EFHD1: variants seen among roughly 807,000 people sequenced by gnomAD.
EFHD1 encodes EF-hand domain-containing protein D1.
A neutral mutation model predicts 17.2 loss-of-function variants in EFHD1; 10 were observed. The observed-to-expected ratio is 0.58, with a 90% CI of 0.36 to 0.99. The LOEUF (loss-of-function observed/expected upper bound fraction) is 0.99. EFHD1 is among the 50% of genes least tolerant of loss of function. EFHD1 has a pLI of 0.01. For synonymous variants in EFHD1, 153 were observed against 142.0 expected (o/e 1.08, Z -0.55); for missense variants, 310 against 327.5 (o/e 0.95, Z 0.41).
chr2:232,618,414 G>A (rs915885339), intron 1 of EFHD1, among the ~76,000 whole-genome samples: 8 of 152,064 alleles, frequency 5.3e-5, no homozygotes, highest in Non-Finnish European at 8.8e-5. Flanking sequence ...CGTGCTCAAC[G>A]TTATTAGTCA....
intron 1 of EFHD1, among the ~76,000 whole-genome samples, chr2:232,635,282 T>C (rs1419307848): frequency 6.6e-6 from 1 of 152,248 alleles, no homozygotes; most frequent in Non-Finnish European, 1.5e-5. Context: ...CTGGCCGGGC[T>C]GCTCCCAGAC....
At chr2:232,642,951 T>G (rs956173233) in intron 1 of EFHD1, among the ~76,000 whole-genome samples, 3 of 152,144 alleles carry the variant, frequency 2.0e-5, no homozygotes, top group African/African-American at 7.2e-5. Context: ...AATAAAGAAA[T>G]GGATCATCTC....
intron 1 of EFHD1, among the ~76,000 whole-genome samples, chr2:232,658,200 G>A (rs1244193329): frequency 6.6e-6 from 1 of 151,896 alleles, no homozygotes. Context: ...ACTGCACCCA[G>A]CCAGGACCTT....
intron 1 of EFHD1, among the ~76,000 whole-genome samples, chr2:232,644,291 C>T (rs937608808): frequency 6.6e-6 from 1 of 152,104 alleles, no homozygotes; most frequent in African/African-American, 2.4e-5. Flanking sequence ...TATTCTTTTT[C>T]TCATCGGGGG....
intron 1 of EFHD1, among the ~76,000 whole-genome samples, chr2:232,618,691 C>A (rs1299486068): frequency 6.8e-6 from 1 of 146,928 alleles, no homozygotes; most frequent in Non-Finnish European, 1.5e-5. Context: ...CCACTGCACT[C>A]CAGCCTGGGT....
At position 232,633,663 on chromosome 2, in the gene EFHD1, C is replaced by A; in HGVS notation, c.-42C>A. 1 of 1,390,078 alleles carries A rather than the reference C, an allele frequency of 7.2e-7. No homozygotes were observed. The highest frequency in any genetic ancestry group is 1.6e-5 in the South Asian group (1 of 61,422). The allele number at this position is 1,390,078 out of a possible 1,614,324, so 86.1% of individuals were successfully genotyped here. On this transcript the variant is annotated 5_prime_UTR_variant, in exon 1 of 4. Transcript: ENST00000264059. ...CGCCGCCCGCCAGCTCCCTGCGTCC[C>A]GTCCCGCGTCCCCGCGTTCCCGCGT... is the stretch of plus-strand genomic sequence containing the variant.
intron 1 of EFHD1, among the ~76,000 whole-genome samples, chr2:232,662,241 A>G (rs1694883889): frequency 6.6e-6 from 1 of 152,116 alleles, no homozygotes; most frequent in South Asian, 2.1e-4. Context: ...TCAGAGCTGG[A>G]GACAAGACGA....
intron 1 of EFHD1, among the ~76,000 whole-genome samples, chr2:232,659,955 G>A (rs1694827003): frequency 6.6e-6 from 1 of 152,050 alleles, no homozygotes; most frequent in African/African-American, 2.4e-5. Flanking sequence ...ACCAGGTCTT[G>A]CAAGAACTCA....
intron 1 of EFHD1, among the ~76,000 whole-genome samples, chr2:232,613,828 A>ATG (rs1491502641): frequency 6.7e-6 from 1 of 148,314 alleles, no homozygotes; most frequent in African/African-American, 2.6e-5. Context: ...ACACACACAA[A>ATG]TATACACACA....
intron 2 of EFHD1, among the ~76,000 whole-genome samples, chr2:232,667,971 G>T (rs895319437): frequency 6.6e-6 from 1 of 152,170 alleles, no homozygotes; most frequent in Non-Finnish European, 1.5e-5. Context: ...TTGCATCATC[G>T]GCCGAAGCCA....
chr2:232,647,080 C>A (rs946684551), intron 1 of EFHD1, among the ~76,000 whole-genome samples: 1 of 152,234 alleles, frequency 6.6e-6, no homozygotes, highest in Non-Finnish European at 1.5e-5. Flanking sequence ...GTAAGTGAGA[C>A]CTGGAAAAAG....
At chr2:232,606,203 T>A in intron 1 of EFHD1, 1 of 1,549,598 alleles carries the variant, frequency 6.5e-7, no homozygotes, top group Non-Finnish European at 8.7e-7. Flanking sequence ...CCTTTCACCC[T>A]TGAGAGTCTA....
upstream of EFHD1, among the ~76,000 whole-genome samples, chr2:232,631,699 A>AC (rs1694203945): frequency 7.1e-6 from 1 of 140,332 alleles, no homozygotes; most frequent in Non-Finnish European, 1.5e-5. Flanking sequence ...ATTAAAAAAA[A>AC]AAAAAAACAA....
intron 1 of EFHD1, among the ~76,000 whole-genome samples, chr2:232,660,352 G>A (rs907776967): frequency 3.3e-5 from 5 of 151,498 alleles, no homozygotes; most frequent in South Asian, 2.1e-4. Flanking sequence ...CTGCCACCAC[G>A]CCCGGCTCAT....
upstream of EFHD1, among the ~76,000 whole-genome samples, chr2:232,631,804 C>G (rs978558839): frequency 2.0e-5 from 3 of 150,852 alleles, no homozygotes; most frequent in South Asian, 2.1e-4. Flanking sequence ...GAGTTCACAA[C>G]CAGCCTAGCC....
chr2:232,640,970 G>T (rs1378199010), intron 1 of EFHD1, among the ~76,000 whole-genome samples: 4 of 152,188 alleles, frequency 2.6e-5, no homozygotes, highest in African/African-American at 9.7e-5. Context: ...GGCAGAAGGA[G>T]GGCAGTGAGG....
intron 3 of EFHD1, among the ~76,000 whole-genome samples, chr2:232,675,808 A>G (rs754755365): frequency 2.6e-5 from 4 of 152,154 alleles, no homozygotes; most frequent in African/African-American, 4.8e-5. Context: ...CTCAGTGTTC[A>G]TCACTCCATT....
At position 232,627,451 on chromosome 2, in the gene EFHD1, C is replaced by T. The variant is rs80262796; in HGVS notation, c.14+21278C>T. 3.6e-3 allele frequency among the ~76,000 whole-genome samples: 546 copies of T among 152,244 alleles called. 1 individual carries two copies. The highest frequency in any genetic ancestry group is 0.013 in the African/African-American group (524 of 41,546). On this transcript the variant is annotated intron_variant, in intron 1 of 3. Transcript: ENST00000409613. ...GCAACTAAACCTCAAGAAATCACTA[C>T]TTGCCTAAGCTTTGGTGTCATATCA...
intron 1 of EFHD1, among the ~76,000 whole-genome samples, chr2:232,656,164 G>A (rs1345938784): frequency 6.6e-6 from 1 of 152,154 alleles, no homozygotes; most frequent in Non-Finnish European, 1.5e-5. Flanking sequence ...CAGGCCCATG[G>A]CCTCCCTGAA....
Sources: allele counts gnomAD v4.1 joint callset (sites outside exome capture counted in the v4.1 genomes callset), GRCh38; gene constraint gnomAD v4.1.1; transcripts MANE v1.5; gene names NCBI Gene and HGNC (gene_info 2026-07-23, HGNC 2026-07-21).